The following GCSH variants were observed in gnomAD, a reference collection of about 807,000 sequenced individuals.
GCSH encodes glycine cleavage system H protein, mitochondrial.
GCSH carries 15 observed loss-of-function variants against 21.3 expected under a neutral mutation model. That is an observed-to-expected ratio of 0.70 (90% CI 0.47 to 1.08). The LOEUF (loss-of-function observed/expected upper bound fraction) is 1.08, where lower values mean the gene tolerates loss of function less well. Among genes scored for constraint, GCSH ranks in the 50% least tolerant of loss-of-function variants. GCSH has a pLI of 0.00. For missense variants in GCSH, 179 were observed against 217.5 expected (o/e 0.82, Z 1.11); for synonymous variants, 59 against 84.5 (o/e 0.70, Z 1.66).
At chr16:81,087,152 G>C (rs973997848) in intron 3 of GCSH, among the ~76,000 whole-genome samples, 1 of 151,558 alleles carries the variant, frequency 6.6e-6, no homozygotes, top group Non-Finnish European at 1.5e-5. Context: ...TGCAACCTCC[G>C]CCTCCCAAGT....
chr16:81,084,808 TTCATGCCATTC>T (rs1972239064), intron 3 of GCSH, among the ~76,000 whole-genome samples: 1 of 149,240 alleles, frequency 6.7e-6, no homozygotes, highest in Non-Finnish European at 1.5e-5. Context: ...CTCCCAAGGG[TTCATGCCATTC>T]TCCTGCCTCA....
At chr16:81,083,686 C>T (rs1972214957) in intron 4 of GCSH, 1 of 152,536 alleles carries the variant, frequency 6.6e-6, no homozygotes, top group Admixed American at 6.5e-5. Flanking sequence ...CCTAGCTTTG[C>T]CATTTATCAG....
chr16:81,092,493 C>A (rs558416937), intron 1 of GCSH, among the ~76,000 whole-genome samples: 1 of 152,174 alleles, frequency 6.6e-6, no homozygotes, highest in South Asian at 2.1e-4. Flanking sequence ...GTAATCCCAG[C>A]ACTTTGGGAG....
intron 1 of GCSH, chr16:81,091,071 G>T (rs963548081): frequency 1.5e-5 from 7 of 456,152 alleles, no homozygotes; most frequent in Admixed American, 1.2e-4. Flanking sequence ...GTTTAGGGAG[G>T]CAGCATAAAG....
At chr16:81,089,077 A>G (rs1339542566) in intron 2 of GCSH, among the ~76,000 whole-genome samples, 2 of 152,236 alleles carry the variant, frequency 1.3e-5, no homozygotes, top group African/African-American at 4.8e-5. Context: ...GTGATTATCA[A>G]CACACAAGCA....
At chr16:81,093,142 T>G (rs1156718123) in intron 1 of GCSH, among the ~76,000 whole-genome samples, 1 of 151,160 alleles carries the variant, frequency 6.6e-6, no homozygotes, top group African/African-American at 2.4e-5. Context: ...AAAAAAAAAG[T>G]TGCAGAATGA....
intron 2 of GCSH, among the ~76,000 whole-genome samples, chr16:81,089,710 A>G (rs1972359930): frequency 2.6e-5 from 4 of 152,202 alleles, no homozygotes; most frequent in African/African-American, 9.6e-5. Context: ...CATCCAGTTG[A>G]AAATCACTGA....
At position 81,085,820 on chromosome 16, in the gene GCSH, A is replaced by G. The variant is rs187809912; in HGVS notation, c.293-1226T>C. On this transcript the variant is annotated intron_variant, in intron 3 of 4. Coordinates refer to ENST00000315467, the MANE Select transcript of GCSH (RefSeq NM_004483.5). ...GGTTGCAGTGAGCCGAGACCATGCCATTGCAGTCCAGCCTTGGTGACAGTG... is the reference window on the plus strand; with the variant it reads ...GGTTGCAGTGAGCCGAGACCATGCCGTTGCAGTCCAGCCTTGGTGACAGTG... Among the ~76,000 whole-genome samples the G allele has an allele frequency of 1.4e-3, 208 of 152,296 alleles. 1 individual carries two copies. Among genetic ancestry groups the G allele is most frequent in the Middle Eastern group, 0.01 (3 of 294 alleles).
intron 3 of GCSH, among the ~76,000 whole-genome samples, chr16:81,085,441 T>C (rs531191741): frequency 6.6e-6 from 1 of 152,328 alleles, no homozygotes; most frequent in East Asian, 1.9e-4. Context: ...CAAATGGTGA[T>C]GTGCCTGAAT....
chr16:81,090,447 C>G (rs1972376172), intron 2 of GCSH, among the ~76,000 whole-genome samples, 154 bp downstream of exon 2: 1 of 151,960 alleles, frequency 6.6e-6, no homozygotes, highest in African/African-American at 2.4e-5. Context: ...GTCTTGAACT[C>G]CTGGCCTCAA....
At chr16:81,090,977 A>G (rs931422362) in intron 1 of GCSH, 2 of 492,246 alleles carry the variant, frequency 4.1e-6, no homozygotes, top group Non-Finnish European at 7.5e-6. Flanking sequence ...TTTGGAGCAT[A>G]TTTCAAATGT....
chr16:81,083,440 C>CTTTTTTAA, intron 4 of GCSH: 1 of 192,814 alleles, frequency 5.2e-6, no homozygotes, highest in Non-Finnish European at 1.1e-5. Context: ...GTGCTTGAAC[C>CTTTTTTAA]CGAGAAGGGG....
intron 1 of GCSH, among the ~76,000 whole-genome samples, chr16:81,092,729 C>A (rs1366575265): frequency 1.3e-5 from 2 of 151,264 alleles, no homozygotes; most frequent in Non-Finnish European, 2.9e-5. Flanking sequence ...AGCAACAGAG[C>A]AAGACTCAGT....
intron 1 of GCSH, among the ~76,000 whole-genome samples, chr16:81,093,337 A>G (rs981826659): frequency 3.3e-5 from 5 of 152,086 alleles, no homozygotes; most frequent in African/African-American, 1.2e-4. Flanking sequence ...ACCTGAGACT[A>G]CCTTCTTTGA....
chr16:81,096,384 C>T lies in GCSH; in HGVS notation c.-106G>A. ...CCGGAGGGAGCCGGCTGGATGGAGG[C>T]GCGGAGGCGGTGCCGCGGGGGCGGG... On this transcript the variant is annotated 5_prime_UTR_variant, in exon 1 of 5. Transcript: ENST00000315467. The T allele has an allele frequency of 1.0e-6, 1 of 966,494 alleles. No individual in the cohort carries two copies. Among genetic ancestry groups the T allele is most frequent in the South Asian group, 2.5e-5 (1 of 40,046 alleles). 59.9% of individuals were successfully genotyped at this position (966,494 alleles called of 1,614,324 possible). A position where few individuals can be genotyped will look rare whatever the true frequency, so the allele number is the denominator to read the frequency against.
intron 1 of GCSH, among the ~76,000 whole-genome samples, chr16:81,095,037 G>A (rs1450032265): frequency 6.6e-6 from 1 of 151,648 alleles, no homozygotes; most frequent in Admixed American, 6.6e-5. Context: ...CGCTTGCAGT[G>A]AGCCGAGATC....
At chr16:81,088,363 C>CTA (rs1208417509) in intron 2 of GCSH, among the ~76,000 whole-genome samples, 2 of 152,306 alleles carry the variant, frequency 1.3e-5, no homozygotes, top group Admixed American at 6.5e-5. Context: ...AGCAACCTAA[C>CTA]ACAAGCCTCC....
chr16:81,090,433 G>A (rs923495525), intron 2 of GCSH, among the ~76,000 whole-genome samples, 168 bp downstream of exon 2: 2 of 151,842 alleles, frequency 1.3e-5, no homozygotes, highest in Non-Finnish European at 2.9e-5. Context: ...TGTTGACCAG[G>A]CTGGTCTTGA....
chr16:81,086,606 T>C (rs988899516), intron 3 of GCSH, among the ~76,000 whole-genome samples: 3 of 150,740 alleles, frequency 2.0e-5, no homozygotes, highest in African/African-American at 5.0e-5. Flanking sequence ...GGCTGAAAAG[T>C]TAACAGTCTT....
Sources: allele counts gnomAD v4.1 joint callset (sites outside exome capture counted in the v4.1 genomes callset), GRCh38; gene constraint gnomAD v4.1.1; transcripts MANE v1.5; gene names NCBI Gene and HGNC (gene_info 2026-07-23, HGNC 2026-07-21).